The following VPS13B variants were observed in gnomAD, a reference collection of about 807,000 sequenced individuals.
The protein encoded by VPS13B is intermembrane lipid transfer protein VPS13B.
VPS13B carries 285 observed loss-of-function variants against 426.4 expected under a neutral mutation model. The ratio of observed to expected loss-of-function variants is 0.67; its 90% CI spans 0.61 to 0.74. The LOEUF (loss-of-function observed/expected upper bound fraction) is 0.74. Among genes scored for constraint, VPS13B ranks in the 30% least tolerant of loss-of-function variants. The probability of loss-of-function intolerance (pLI) is 0.00; values close to 1 mark genes in which losing one functional copy is unlikely to be tolerated. For synonymous variants in VPS13B, 1,676 were observed against 1,676.4 expected (o/e 1.00, Z 0.01); for missense variants, 4,537 against 4,782.6 (o/e 0.95, Z 1.51).
rs184976817 is a variant in VPS13B at position 99,193,136 on chromosome 8, T to C, written c.2515+79T>C. On this transcript the variant is annotated intron_variant, in intron 17 of 61. Transcript: ENST00000357162. ...TAATATTTTATTATGAAAATCCATA[T>C]GTCTAGCATGGTCAACTTAAATTGT... The C allele has an allele frequency of 1.0e-5, 14 of 1,380,880 alleles. No individual in the cohort carries two copies. The African/African-American group carries it at 1.6e-4, about 16-fold the overall frequency. The allele number at this position is 1,380,880 out of a possible 1,614,324, so 85.5% of individuals were successfully genotyped here.
At chr8:99,697,950 C>T (rs1325236655) in intron 35 of VPS13B, 3 of 415,878 alleles carry the variant, frequency 7.2e-6, no homozygotes, top group South Asian at 2.0e-5. Flanking sequence ...AAGATTGTAG[C>T]GACCTTGGAG....
chr8:99,522,930 C>A (rs1268255964), intron 30 of VPS13B, among the ~76,000 whole-genome samples: 2 of 152,084 alleles, frequency 1.3e-5, no homozygotes, highest in Non-Finnish European at 2.9e-5. Context: ...GGGAGTAGCT[C>A]AGTATAATAA....
intron 19 of VPS13B, among the ~76,000 whole-genome samples, chr8:99,286,628 G>T (rs1358781852): frequency 6.6e-6 from 1 of 152,148 alleles, no homozygotes; most frequent in African/African-American, 2.4e-5. Context: ...GTAAAATAGT[G>T]TAAAGGCAAT....
chr8:99,649,234 T>C (rs1829709539), intron 34 of VPS13B, among the ~76,000 whole-genome samples: 1 of 152,162 alleles, frequency 6.6e-6, no homozygotes, highest in Non-Finnish European at 1.5e-5. Context: ...TCTCTGATCT[T>C]CTTGACTGTA....
At chr8:99,492,315 C>T (rs905041740) in intron 25 of VPS13B, among the ~76,000 whole-genome samples, 2 of 152,348 alleles carry the variant, frequency 1.3e-5, no homozygotes, top group South Asian at 2.1e-4. Flanking sequence ...TCAGGCTACA[C>T]GGGCGTCAGG....
chr8:99,480,667 C>T (rs575575813), intron 24 of VPS13B, among the ~76,000 whole-genome samples: 1 of 151,974 alleles, frequency 6.6e-6, no homozygotes. Flanking sequence ...CTTCATTACA[C>T]AAAAAACAGG....
chr8:99,540,038 TATATATATATATATATATA>T (rs1823495347), intron 30 of VPS13B, among the ~76,000 whole-genome samples: 1 of 5,026 alleles, frequency 2.0e-4, no homozygotes, highest in Non-Finnish European at 4.3e-4. Context: ...TATATATATA[TATATATATATATATATATA>T]TATATATTTT....
chr8:99,616,587 G>A (rs1828099872), intron 33 of VPS13B, among the ~76,000 whole-genome samples: 1 of 152,198 alleles, frequency 6.6e-6, no homozygotes, highest in African/African-American at 2.4e-5. Flanking sequence ...CAGCACTTTG[G>A]GAGGCAGAGG....
chr8:99,270,911 G>C lies in VPS13B; in HGVS notation c.2516-3287G>C, dbSNP rs894561616. Among the ~76,000 whole-genome samples, 3 of 152,156 alleles carry C rather than the reference G, an allele frequency of 2.0e-5. No individual in the cohort carries two copies. In the East Asian group the frequency reaches 5.8e-4, roughly 29 times the overall value. On this transcript the variant is annotated intron_variant, in intron 17 of 61. Coordinates refer to ENST00000357162, the MANE Select transcript of VPS13B (RefSeq NM_152564.5). The stretch of plus-strand genomic sequence containing the variant: ...CTGCAACCACAGTAGATGTTAAATA[G>C]AGTAGCTCAGCATCCTTTGTTATAA...
At position 99,154,039 on chromosome 8, in the gene VPS13B, A is replaced by G. The variant is rs545046962; in HGVS notation, c.2014-2510A>G. Among the ~76,000 whole-genome samples the G allele has an allele frequency of 1.7e-4, 26 of 152,084 alleles. No individual in the cohort carries two copies. In the South Asian group the frequency reaches 5.4e-3, roughly 32 times the overall value. On this transcript the variant is annotated intron_variant, in intron 14 of 61. Coordinates refer to ENST00000357162, the MANE Select transcript of VPS13B (RefSeq NM_152564.5). ...CATTGTTTTTGAGTGGAGGTCAGGT[A>G]TAATTCATATCATTGCTCCTCTATA...
chr8:99,588,251 C>G (rs372472252), intron 33 of VPS13B, among the ~76,000 whole-genome samples: 1 of 151,532 alleles, frequency 6.6e-6, no homozygotes, highest in Non-Finnish European at 1.5e-5. Flanking sequence ...TCAGGTAGCA[C>G]GATGCCTCCA....
intron 15 of VPS13B, 125 bp from the exon 16 acceptor site, chr8:99,169,914 G>A (rs1812228207): frequency 5.8e-6 from 7 of 1,196,820 alleles, no homozygotes; most frequent in Middle Eastern, 2.5e-4. Context: ...TTGGGAAGTG[G>A]AAAAAGACTT....
In VPS13B at chr8:99,575,647, C is replaced by G. The variant is rs1825741967; in HGVS notation, c.4950-11C>G. On this transcript the variant is annotated splice_polypyrimidine_tract_variant and intron_variant, in intron 31 of 61. Coordinates refer to ENST00000357162, the MANE Select transcript of VPS13B (RefSeq NM_152564.5). The stretch of plus-strand genomic sequence containing the variant: ...ATGAAATGGCTAATAATCTTTTACT[C>G]TATCTTTTAGCATACGGCGGCATCA... The G allele has an allele frequency of 6.2e-7, 1 of 1,613,482 alleles. No homozygotes were observed. Among genetic ancestry groups the G allele is most frequent in the African/African-American group, 1.3e-5 (1 of 74,866 alleles).
At chr8:99,192,642 G>A (rs1199856730) in intron 16 of VPS13B, among the ~76,000 whole-genome samples, 1 of 152,098 alleles carries the variant, frequency 6.6e-6, no homozygotes, top group Non-Finnish European at 1.5e-5. Flanking sequence ...TATATGTGTA[G>A]GTGAATATGT....
chr8:99,520,240 CA>C (rs1483716674), intron 29 of VPS13B, among the ~76,000 whole-genome samples: 11 of 152,126 alleles, frequency 7.2e-5, no homozygotes, highest in African/African-American at 2.4e-4. Context: ...AGCAATTTTA[CA>C]GTAGAAGTTA....
intron 19 of VPS13B, among the ~76,000 whole-genome samples, chr8:99,381,761 T>A (rs1473811701): frequency 6.6e-6 from 1 of 152,156 alleles, no homozygotes; most frequent in Non-Finnish European, 1.5e-5. Flanking sequence ...TTGCTTTTTT[T>A]TTTCTTGTAG....
At chr8:99,065,525 A>G (rs547492855) in intron 3 of VPS13B, among the ~76,000 whole-genome samples, 14 of 152,234 alleles carry the variant, frequency 9.2e-5, no homozygotes, top group Non-Finnish European at 2.1e-4. Context: ...AGAGCTATTT[A>G]TGACAAACCC....
chr8:99,091,265 G>A (rs538717398), intron 3 of VPS13B, among the ~76,000 whole-genome samples: 75 of 152,210 alleles, frequency 4.9e-4, no homozygotes, highest in African/African-American at 1.7e-3. Flanking sequence ...GCACATAGAA[G>A]TGTTCACAGT....
chr8:99,526,925 G>A (rs894877751), intron 30 of VPS13B, among the ~76,000 whole-genome samples: 4 of 152,088 alleles, frequency 2.6e-5, no homozygotes, highest in African/African-American at 9.7e-5. Context: ...TGGGTGATTG[G>A]GTGTGATACT....
Sources: gnomAD v4.1 joint callset for allele counts (sites outside exome capture counted in the v4.1 genomes callset) on GRCh38, gnomAD v4.1.1 for gene constraint, MANE v1.5 for transcripts, NCBI Gene and HGNC (gene_info 2026-07-23, HGNC 2026-07-21) for gene names.